The following RALGAPA2 variants were observed in gnomAD, a reference collection of about 807,000 sequenced individuals.
RALGAPA2 encodes Ral GTPase activating protein catalytic subunit alpha 2, also known as ral GTPase-activating protein subunit alpha-2.
A neutral mutation model predicts 230.4 loss-of-function variants in RALGAPA2; 139 were observed. That is an observed-to-expected ratio of 0.60 (90% CI 0.53 to 0.69). The LOEUF (loss-of-function observed/expected upper bound fraction) is 0.69. RALGAPA2 is among the 30% of genes least tolerant of loss of function. RALGAPA2 has a pLI of 0.00. For synonymous variants in RALGAPA2, 847 were observed against 837.8 expected (o/e 1.01, Z -0.19); for missense variants, 2,163 against 2,276.0 (o/e 0.95, Z 1.01).
In RALGAPA2 at chr20:20,410,581, G is replaced by T. The variant is rs117635430; in HGVS notation, c.5617+1446C>A. ...CTCATGTTCTTTCACTGAAAAATTAGAAACGATTTAAAATCTCTAGCCAGA... is the reference window on the plus strand; with the variant it reads ...CTCATGTTCTTTCACTGAAAAATTATAAACGATTTAAAATCTCTAGCCAGA... On this transcript the variant is annotated intron_variant, in intron 38 of 39. Transcript: ENST00000202677. Among the ~76,000 whole-genome samples the T allele has an allele frequency of 8.3e-3, 1,258 of 152,260 alleles. 6 individuals are homozygous for T. The highest frequency in any genetic ancestry group is 0.011 in the Admixed American group (164 of 15,288).
At chr20:20,585,147 C>T (rs2065097054) in intron 18 of RALGAPA2, among the ~76,000 whole-genome samples, 192 bp from the exon 19 acceptor site, 1 of 152,162 alleles carries the variant, frequency 6.6e-6, no homozygotes, top group South Asian at 2.1e-4. Context: ...AGATCTGAAA[C>T]TTTAATTTAT....
intron 37 of RALGAPA2, among the ~76,000 whole-genome samples, chr20:20,470,266 C>T (rs976655325): frequency 2.0e-5 from 3 of 152,200 alleles, no homozygotes; most frequent in Non-Finnish European, 4.4e-5. Flanking sequence ...TTTTCTTAAA[C>T]ATAGCGAACA....
chr20:20,521,237 A>G (rs745441944), intron 30 of RALGAPA2, 137 bp from the exon 31 acceptor site: 10 of 628,864 alleles, frequency 1.6e-5, no homozygotes, highest in Non-Finnish European at 2.6e-5. Flanking sequence ...ACTCTTAAAT[A>G]TCTTCTTGCT....
intron 36 of RALGAPA2, among the ~76,000 whole-genome samples, chr20:20,491,481 T>C (rs2062056187): frequency 6.6e-6 from 1 of 152,084 alleles, no homozygotes; most frequent in Non-Finnish European, 1.5e-5. Flanking sequence ...CCACTAAAAC[T>C]TACCTTCGCA....
chr20:20,657,188 C>T (rs2067617813), intron 3 of RALGAPA2, among the ~76,000 whole-genome samples: 1 of 152,170 alleles, frequency 6.6e-6, no homozygotes, highest in Non-Finnish European at 1.5e-5. Flanking sequence ...CAAGATTAGA[C>T]AGGGGAGCCT....
At chr20:20,536,213 A>G (rs2063494754) in intron 25 of RALGAPA2, among the ~76,000 whole-genome samples, 1 of 152,260 alleles carries the variant, frequency 6.6e-6, no homozygotes, top group African/African-American at 2.4e-5. Context: ...AGGAGAGAAC[A>G]AATGCTTACT....
In RALGAPA2 at chr20:20,392,831, C is replaced by T. The variant is rs560634993; in HGVS notation, c.*458G>A. 1 of 237,348 alleles carries T rather than the reference C, an allele frequency of 4.2e-6. No individual in the cohort carries two copies. The highest frequency in any genetic ancestry group is 8.5e-6 in the Non-Finnish European group (1 of 118,092). 14.7% of individuals were successfully genotyped at this position (237,348 alleles called of 1,614,324 possible). A position where few individuals can be genotyped will look rare whatever the true frequency, so the allele number is the denominator to read the frequency against. On this transcript the variant is annotated 3_prime_UTR_variant, in exon 40 of 40. Transcript: ENST00000202677. ...CCCCTTTGTGAATCATGCTTGGGTT[C>T]ATAAATGAGAAGAAACAACTTGGGG...
chr20:20,393,178 G>A lies in RALGAPA2; in HGVS notation c.*111C>T, dbSNP rs1214242675. On this transcript the variant is annotated 3_prime_UTR_variant, in exon 40 of 40. Transcript: ENST00000202677. ...TCTGGGTTTAGTGGCTCGGGGCAGA[G>A]GCAGGAGAGGGTGTTCTGTCTCCTC... 2 of 1,350,178 alleles carry A rather than the reference G, an allele frequency of 1.5e-6. No homozygotes were observed. Among genetic ancestry groups the A allele is most frequent in the Non-Finnish European group, 2.0e-6 (2 of 1,014,062 alleles). The allele number at this position is 1,350,178 out of a possible 1,614,324, so 83.6% of individuals were successfully genotyped here.
At chr20:20,433,300 G>A (rs2060537731) in intron 37 of RALGAPA2, among the ~76,000 whole-genome samples, 1 of 152,204 alleles carries the variant, frequency 6.6e-6, no homozygotes, top group Non-Finnish European at 1.5e-5. Context: ...AATTTCATAT[G>A]GTTCCACCTA....
chr20:20,400,522 G>A (rs1468765527), intron 38 of RALGAPA2, among the ~76,000 whole-genome samples: 3 of 152,174 alleles, frequency 2.0e-5, no homozygotes, highest in Non-Finnish European at 4.4e-5. Flanking sequence ...ATGTACTTGT[G>A]TGTGGCTCTA....
Position 20,691,162 on chromosome 20 carries a change from C to T in RALGAPA2, c.107-10361G>A, listed in dbSNP as rs530641759. On this transcript the variant is annotated intron_variant, in intron 1 of 39. Transcript: ENST00000202677. ...GTCACCCGCTATTTCTTATCCTTCC[C>T]GCCCACTCCTTCTGGAACCCTAAGT... 8.3e-4 allele frequency among the ~76,000 whole-genome samples: 126 copies of T among 152,264 alleles called. 1 individual carries two copies. The highest frequency in any genetic ancestry group is 2.8e-3 in the African/African-American group (118 of 41,552).
chr20:20,521,531 G>A (rs1354457795), intron 30 of RALGAPA2, among the ~76,000 whole-genome samples: 1 of 152,112 alleles, frequency 6.6e-6, no homozygotes, highest in Non-Finnish European at 1.5e-5. Context: ...TATAACTCAT[G>A]ACGCCATAAA....
At chr20:20,464,401 C>T (rs1344819416) in intron 37 of RALGAPA2, among the ~76,000 whole-genome samples, 1 of 152,154 alleles carries the variant, frequency 6.6e-6, no homozygotes, top group South Asian at 2.1e-4. Flanking sequence ...CAAAAAACCA[C>T]AACTAGGTCC....
intron 27 of RALGAPA2, 122 bp downstream of exon 27, chr20:20,531,565 C>CA (rs2063367608): frequency 1.1e-6 from 1 of 878,922 alleles, no homozygotes; most frequent in Admixed American, 2.1e-5. Context: ...ACAGCACATG[C>CA]AATGGGAATC....
chr20:20,530,118 T>C (rs1362761345), intron 27 of RALGAPA2, among the ~76,000 whole-genome samples: 6 of 152,222 alleles, frequency 3.9e-5, no homozygotes, highest in African/African-American at 9.6e-5. Flanking sequence ...CACACCTCAG[T>C]TGTGTAAAAC....
At chr20:20,578,435 G>A (rs1164575653) in intron 20 of RALGAPA2, among the ~76,000 whole-genome samples, 1 of 151,874 alleles carries the variant, frequency 6.6e-6, no homozygotes, top group East Asian at 1.9e-4. Context: ...AATGCTATAC[G>A]GGTGTTTAAA....
chr20:20,424,719 T>G (rs1034185631), intron 37 of RALGAPA2, among the ~76,000 whole-genome samples: 1 of 152,018 alleles, frequency 6.6e-6, no homozygotes, highest in African/African-American at 2.4e-5. Context: ...AGTTAATGGG[T>G]GCAGCACACC....
chr20:20,588,664 G>A (rs1429427989), intron 18 of RALGAPA2, among the ~76,000 whole-genome samples: 1 of 152,092 alleles, frequency 6.6e-6, no homozygotes, highest in African/African-American at 2.4e-5. Context: ...CATAACATGG[G>A]TTATTGTCCA....
intron 37 of RALGAPA2, among the ~76,000 whole-genome samples, chr20:20,433,892 C>T (rs1471240110): frequency 6.6e-6 from 1 of 152,148 alleles, no homozygotes; most frequent in Admixed American, 6.5e-5. Flanking sequence ...GAAAGTAGAT[C>T]AAATAACAAA....
Sources: allele counts gnomAD v4.1 joint callset (sites outside exome capture counted in the v4.1 genomes callset), GRCh38; gene constraint gnomAD v4.1.1; transcripts MANE v1.5; gene names NCBI Gene and HGNC (gene_info 2026-07-23, HGNC 2026-07-21).